TNS3: variants seen among roughly 807,000 people sequenced by gnomAD.
TNS3 encodes tensin 3, also known as tensin-3.
In TNS3, 45 loss-of-function variants were observed where a neutral mutation model predicts 140.9. The observed-to-expected ratio is 0.32, with a 90% CI of 0.25 to 0.41. The LOEUF (loss-of-function observed/expected upper bound fraction) is 0.41, where lower values mean the gene tolerates loss of function less well. Among genes scored for constraint, TNS3 ranks in the 10% least tolerant of loss-of-function variants. The pLI is 1.00. For missense variants in TNS3, 1,716 were observed against 1,906.7 expected (o/e 0.90, Z 1.86); for synonymous variants, 815 against 788.4 (o/e 1.03, Z -0.56).
At position 47,280,306 on chromosome 7, in the gene TNS3, G is replaced by C. The variant is rs1254565999; in HGVS notation, c.4146C>G (p.Ala1382=). 1 of 1,614,178 alleles carries C rather than the reference G, an allele frequency of 6.2e-7. No individual in the cohort carries two copies. Residue 1382 remains alanine, a synonymous_variant, in exon 29 of 31, where the codon GCC becomes GCG. Coordinates refer to ENST00000311160, the MANE Select transcript of TNS3 (RefSeq NM_022748.12). The part of the protein sequence containing the change: ...HYPVNSVIFC[A]LDPQDRKWIK... ...CTTACTTCCTGTCTTGTGGGTCCAA[G>C]GCACAGAAAATCACACTGTTCACGG...
At chr7:47,426,064 C>T (rs918770971) in intron 9 of TNS3, among the ~76,000 whole-genome samples, 1 of 151,666 alleles carries the variant, frequency 6.6e-6, no homozygotes, top group Admixed American at 6.6e-5. Flanking sequence ...GGGCAAATCA[C>T]GAGGTCAGGA....
chr7:47,574,203 C>T (rs1314904160), intron 1 of TNS3, among the ~76,000 whole-genome samples: 2 of 152,180 alleles, frequency 1.3e-5, no homozygotes, highest in South Asian at 4.2e-4. Context: ...AAAATCAGAC[C>T]CTTTTAATTG....
In TNS3 at chr7:47,484,866, G is replaced by C. The variant is rs536872162; in HGVS notation, c.-114-3725C>G. 1.1e-4 allele frequency among the ~76,000 whole-genome samples: 17 copies of C among 152,314 alleles called. 1 individual carries two copies. In the South Asian group the frequency reaches 1.7e-3, roughly 15 times the overall value. On this transcript the variant is annotated intron_variant, in intron 3 of 30. Transcript: ENST00000311160. ...TTCACTGGACAGAGGGAAGCACCGTGGGTCGGGGCCAACTCCAGGTGGGCT... is the reference window on the plus strand; with the variant it reads ...TTCACTGGACAGAGGGAAGCACCGTCGGTCGGGGCCAACTCCAGGTGGGCT...
intron 12 of TNS3, among the ~76,000 whole-genome samples, 185 bp from the exon 13 acceptor site, chr7:47,411,987 G>A (rs1237375297): frequency 3.3e-5 from 5 of 152,164 alleles, no homozygotes; most frequent in Non-Finnish European, 5.9e-5. Flanking sequence ...CCAGGCCATG[G>A]AGGGTCCTCA....
intron 18 of TNS3, 125 bp downstream of exon 18, chr7:47,346,062 G>T: frequency 8.0e-7 from 1 of 1,246,466 alleles, no homozygotes; most frequent in Non-Finnish European, 1.1e-6. Context: ...ACGGAAGGTG[G>T]GTGCGGAGGA....
At chr7:47,436,204 T>C (rs1795173555) in intron 7 of TNS3, among the ~76,000 whole-genome samples, 1 of 152,226 alleles carries the variant, frequency 6.6e-6, no homozygotes, top group Non-Finnish European at 1.5e-5. Context: ...AATCCCTTAG[T>C]CTCTTTTCTG....
At chr7:47,548,505 T>C (rs1799981217) in intron 1 of TNS3, among the ~76,000 whole-genome samples, 1 of 152,086 alleles carries the variant, frequency 6.6e-6, no homozygotes, top group African/African-American at 2.4e-5. Flanking sequence ...GGGACACCTG[T>C]CCCTCATTTT....
intron 1 of TNS3, among the ~76,000 whole-genome samples, chr7:47,542,153 C>T (rs1799806066): frequency 6.6e-6 from 1 of 152,158 alleles, no homozygotes; most frequent in South Asian, 2.1e-4. Flanking sequence ...AAATACTTTC[C>T]TTTATTTACT....
At chr7:47,388,790 C>G (rs112931287) in intron 16 of TNS3, among the ~76,000 whole-genome samples, 3,396 of 152,026 alleles carry the variant, frequency 0.022, 83 homozygotes, top group East Asian at 0.11. Context: ...CTGCTTGAAC[C>G]CGGGAGGTGG....
At chr7:47,531,536 A>C (rs1799403130) in intron 1 of TNS3, among the ~76,000 whole-genome samples, 1 of 152,266 alleles carries the variant, frequency 6.6e-6, no homozygotes, top group Non-Finnish European at 1.5e-5. Flanking sequence ...TTACACAGGT[A>C]AATTTATGAG....
chr7:47,540,585 A>G (rs1477985455), intron 1 of TNS3, among the ~76,000 whole-genome samples: 1 of 152,182 alleles, frequency 6.6e-6, no homozygotes, highest in African/African-American at 2.4e-5. Context: ...CAGAGGAAAT[A>G]CAGCGGCTGG....
chr7:47,446,876 G>A (rs76330910), intron 4 of TNS3, among the ~76,000 whole-genome samples: 1 of 123,886 alleles, frequency 8.1e-6, no homozygotes, highest in Non-Finnish European at 1.8e-5. Context: ...TTTTTTTTTT[G>A]TAGAGATGGG....
intron 13 of TNS3, among the ~76,000 whole-genome samples, chr7:47,401,901 CG>C: frequency 6.6e-6 from 1 of 152,352 alleles, no homozygotes; most frequent in Non-Finnish European, 1.5e-5. Context: ...CAGACCAAAT[CG>C]TGCACAGGCA....
intron 17 of TNS3, among the ~76,000 whole-genome samples, chr7:47,348,977 A>G (rs1789507549): frequency 6.6e-6 from 1 of 152,208 alleles, no homozygotes; most frequent in South Asian, 2.1e-4. Flanking sequence ...TTCCTTCAAC[A>G]TGTCTCCTTT....
chr7:47,463,384 C>T (rs1796568973), intron 4 of TNS3, among the ~76,000 whole-genome samples: 1 of 152,168 alleles, frequency 6.6e-6, no homozygotes, highest in Admixed American at 6.5e-5. Context: ...GCAGAGGTTG[C>T]AGTGAACCGA....
At chr7:47,433,069 C>A (rs1487933374) in intron 8 of TNS3, among the ~76,000 whole-genome samples, 1 of 152,130 alleles carries the variant, frequency 6.6e-6, no homozygotes, top group Non-Finnish European at 1.5e-5. Flanking sequence ...GAGGAGACTG[C>A]ACACACCCAC....
Position 47,528,500 on chromosome 7 carries a change from C to T in TNS3, c.-153+536G>A, listed in dbSNP as rs111923588. 3.1e-3 allele frequency among the ~76,000 whole-genome samples: 474 copies of T among 152,286 alleles called. 6 individuals are homozygous for T. Among genetic ancestry groups the T allele is most frequent in the African/African-American group, 0.011 (460 of 41,562 alleles). The stretch of plus-strand genomic sequence containing the variant: ...CTGGTCCGCCAAGCAGCCCCTGCCC[C>T]CCACCACTCCCACATTCATTACAGT... On this transcript the variant is annotated intron_variant, in intron 2 of 30. Coordinates refer to ENST00000311160, the MANE Select transcript of TNS3 (RefSeq NM_022748.12).
At chr7:47,426,681 C>T (rs1794668811) in intron 9 of TNS3, among the ~76,000 whole-genome samples, 1 of 152,130 alleles carries the variant, frequency 6.6e-6, no homozygotes, top group Non-Finnish European at 1.5e-5. Flanking sequence ...AGCTGAAATA[C>T]ATATTGACTA....
intron 4 of TNS3, among the ~76,000 whole-genome samples, chr7:47,464,178 T>C (rs1796605355): frequency 1.3e-5 from 2 of 152,184 alleles, no homozygotes; most frequent in Non-Finnish European, 2.9e-5. Flanking sequence ...GTGCACTTCT[T>C]TTCCAGATTT....
Sources: allele counts gnomAD v4.1 joint callset (sites outside exome capture counted in the v4.1 genomes callset), GRCh38; gene constraint gnomAD v4.1.1; transcripts MANE v1.5; gene names NCBI Gene and HGNC (gene_info 2026-07-23, HGNC 2026-07-21).